The following MYH16 variants were observed in gnomAD, a reference collection of about 807,000 sequenced individuals.
MYH16 encodes putative uncharacterized protein MYH16.
chr7:99,296,594 CAA>C, intron 33 of MYH16, 105 bp from the exon 15 acceptor site: 1 of 406,924 alleles, frequency 2.5e-6, no homozygotes, highest in South Asian at 1.8e-5. Context: ...TCCGTAGTCT[CAA>C]GAGTTACTGG....
chr7:99,294,567 A>T lies in MYH16; in HGVS notation n.4282+417A>T, dbSNP rs868325216. Reference sequence around the variant, plus strand: ...AAAGAAAAAAAAAATATATATATATATTTTTTTTCTTTTTTGAGATGGAAT... The same window carrying T: ...AAAGAAAAAAAAAATATATATATATTTTTTTTTTCTTTTTTGAGATGGAAT... On this transcript the variant is annotated intron_variant and non_coding_transcript_variant, in intron 33 of 41. Transcript: ENST00000439784. Among the ~76,000 whole-genome samples the T allele has an allele frequency of 7.5e-3, 1,084 of 143,618 alleles. 13 individuals are homozygous for T. The highest frequency in any genetic ancestry group is 0.018 in the East Asian group (85 of 4,856). The allele number at this position is 143,618 out of a possible 152,430, so 94.2% of individuals were successfully genotyped here. A position where few individuals can be genotyped will look rare whatever the true frequency, so the allele number is the denominator to read the frequency against.
chr7:99,294,571 T>C (rs1439981436), intron 33 of MYH16, among the ~76,000 whole-genome samples: 1 of 149,198 alleles, frequency 6.7e-6, no homozygotes, highest in Non-Finnish European at 1.5e-5. Context: ...ATATATATTT[T>C]TTTTCTTTTT....
chr7:99,241,859 G>GTT (rs71930898), intron 1 of MYH16, among the ~76,000 whole-genome samples: 2,314 of 146,392 alleles, frequency 0.016, 25 homozygotes, highest in South Asian at 0.041. Flanking sequence ...GCTGGCACTA[G>GTT]TTTTTTTTTT....
chr7:99,240,569 G>A (rs936603115), intron 1 of MYH16, among the ~76,000 whole-genome samples: 1 of 152,162 alleles, frequency 6.6e-6, no homozygotes, highest in African/African-American at 2.4e-5. Context: ...AGAAGTCAGA[G>A]GCCAGACGCG....
intron 30 of MYH16, among the ~76,000 whole-genome samples, chr7:99,289,747 T>C (rs958445747): frequency 3.9e-5 from 6 of 152,182 alleles, no homozygotes; most frequent in Non-Finnish European, 7.3e-5. Flanking sequence ...AACTCCTTAA[T>C]GAGGGAGCCA....
intron 41 of MYH16, 49 bp from the exon 23 acceptor site, chr7:99,306,560 C>G (rs1052631720): frequency 1.3e-5 from 2 of 152,698 alleles, no homozygotes; most frequent in African/African-American, 4.8e-5. Flanking sequence ...CACACTTAAC[C>G]AGAACCAGCC....
At chr7:99,300,772 C>T (rs956050784) in intron 37 of MYH16, among the ~76,000 whole-genome samples, 1 of 152,152 alleles carries the variant, frequency 6.6e-6, no homozygotes, top group African/African-American at 2.4e-5. Flanking sequence ...CACCACTGCA[C>T]TCCAACCTGG....
At chr7:99,306,873 A>T (rs1792690178), downstream of MYH16, 1 of 152,428 alleles carries the variant, frequency 6.6e-6, no homozygotes, top group Non-Finnish European at 1.5e-5. Flanking sequence ...TCTCGCTCAG[A>T]GCGCTCCTTC....
At chr7:99,245,918 A>G (rs1350429350) in intron 2 of MYH16, among the ~76,000 whole-genome samples, 1 of 152,018 alleles carries the variant, frequency 6.6e-6, no homozygotes, top group Non-Finnish European at 1.5e-5. Flanking sequence ...AGAGTAGGTC[A>G]AGGCTGGGCG....
intron 19 of MYH16, among the ~76,000 whole-genome samples, chr7:99,271,832 T>C (rs1792050781): frequency 6.6e-6 from 1 of 152,096 alleles, no homozygotes; most frequent in Non-Finnish European, 1.5e-5. Context: ...CCTGAGTAGC[T>C]AGGACTACAG....
intron 30 of MYH16, among the ~76,000 whole-genome samples, chr7:99,290,314 A>G (rs1792350370): frequency 1.3e-5 from 2 of 150,088 alleles, no homozygotes. Flanking sequence ...CAAGACCCCC[A>G]TCTCTACAAA....
At position 99,287,678 on chromosome 7, in the gene MYH16, A is replaced by G. The variant is rs1464363296; in HGVS notation, n.3461-214A>G. 46 of 346,046 alleles carry G rather than the reference A, an allele frequency of 1.3e-4. No individual in the cohort carries two copies. In the Admixed American group the frequency reaches 1.7e-3, roughly 13 times the overall value. The allele number at this position is 346,046 out of a possible 1,614,324, so 21.4% of individuals were successfully genotyped here. A position where few individuals can be genotyped will look rare whatever the true frequency, so the allele number is the denominator to read the frequency against. Reference sequence around the variant, plus strand: ...AGGTACCCAGGGTTAGGACTTGAGTATATCTTTTTGGAGGGCACAATTTAA... The same window carrying G: ...AGGTACCCAGGGTTAGGACTTGAGTGTATCTTTTTGGAGGGCACAATTTAA... On this transcript the variant is annotated intron_variant and non_coding_transcript_variant, in intron 28 of 41. Coordinates refer to ENST00000439784, the Ensembl canonical transcript of MYH16.
intron 4 of MYH16, among the ~76,000 whole-genome samples, chr7:99,249,550 A>G (rs1226953775): frequency 6.6e-6 from 1 of 150,736 alleles, no homozygotes; most frequent in Non-Finnish European, 1.5e-5. Flanking sequence ...AAAAAAAAAA[A>G]AAAAAAGAAA....
At chr7:99,258,557 T>G (rs188669801) in intron 11 of MYH16, among the ~76,000 whole-genome samples, 2 of 152,300 alleles carry the variant, frequency 1.3e-5, no homozygotes, top group African/African-American at 4.8e-5. Context: ...CTCCAGAAAT[T>G]TCCAGCTTCA....
chr7:99,256,979 C>T (rs1367229496), intron 9 of MYH16, among the ~76,000 whole-genome samples: 2 of 152,196 alleles, frequency 1.3e-5, no homozygotes, highest in African/African-American at 4.8e-5. Context: ...AATACTAATA[C>T]CTCCCTTTCT....
intron 9 of MYH16, among the ~76,000 whole-genome samples, chr7:99,256,236 T>G (rs1457945786): frequency 7.2e-6 from 1 of 138,312 alleles, no homozygotes. Flanking sequence ...TCCAGGAGTT[T>G]GAGACCAGCC....
intron 2 of MYH16, among the ~76,000 whole-genome samples, chr7:99,243,793 TCATCCATCCATC>T (rs773793560): frequency 1.3e-5 from 2 of 150,390 alleles, no homozygotes; most frequent in Non-Finnish European, 2.9e-5. Context: ...ATCCATTCAT[TCATCCATCCATC>T]CATCCATCCA....
chr7:99,303,075 T>G (rs1258247136), exon 39 of MYH16: 2 of 152,652 alleles, frequency 1.3e-5, no homozygotes, highest in Admixed American at 6.5e-5. Flanking sequence ...AACCAGAGCC[T>G]CCTCGTGGTC....
At chr7:99,243,270 C>A (rs1791688267) in intron 1 of MYH16, 1 of 152,844 alleles carries the variant, frequency 6.5e-6, no homozygotes, top group African/African-American at 2.4e-5. Flanking sequence ...GTGTCTTGAC[C>A]CCCCCAGACA....
Sources: allele counts gnomAD v4.1 joint callset (sites outside exome capture counted in the v4.1 genomes callset), GRCh38; gene constraint gnomAD v4.1.1; transcripts MANE v1.5; gene names NCBI Gene and HGNC (gene_info 2026-07-23, HGNC 2026-07-21).